RAPGEF4: variants seen among roughly 807,000 people sequenced by gnomAD.
RAPGEF4 encodes the protein RAP guanine-nucleotide-exchange factor (GEF) 4.
RAPGEF4 carries 66 observed loss-of-function variants against 147.9 expected under a neutral mutation model. That is an observed-to-expected ratio of 0.45 (90% CI 0.37 to 0.55). The LOEUF (loss-of-function observed/expected upper bound fraction) is 0.55, where lower values mean the gene tolerates loss of function less well. Ranked by LOEUF, RAPGEF4 falls within the 20% of genes least tolerant of loss-of-function variation. The pLI, the probability that RAPGEF4 is intolerant of heterozygous loss-of-function variation, is 0.00. For synonymous variants in RAPGEF4, 419 were observed against 442.7 expected, an observed-to-expected ratio of 0.95 and a Z score of 0.67; for missense variants, 1,071 against 1,257.3, an observed-to-expected ratio of 0.85 and a Z score of 2.24.
intron 17 of RAPGEF4, among the ~76,000 whole-genome samples, chr2:173,007,409 C>T (rs1340042055): frequency 6.6e-6 from 1 of 152,162 alleles, no homozygotes; most frequent in Non-Finnish European, 1.5e-5. Flanking sequence ...AACAAAGGAG[C>T]AGCCTGTGTG....
chr2:172,784,292 G>A (rs1684971496), intron 1 of RAPGEF4, among the ~76,000 whole-genome samples: 1 of 152,154 alleles, frequency 6.6e-6, no homozygotes, highest in South Asian at 2.1e-4. Context: ...GCTGAGGCAG[G>A]CGGATCATGA....
chr2:172,810,331 T>C (rs12620803), intron 3 of RAPGEF4, among the ~76,000 whole-genome samples: 28,374 of 152,200 alleles, frequency 0.19, 2,878 homozygotes, highest in East Asian at 0.21. Context: ...TCAGGCACTA[T>C]GCAAAGCAGT....
At chr2:172,928,702 G>A (rs1685622699) in intron 6 of RAPGEF4, among the ~76,000 whole-genome samples, 1 of 151,990 alleles carries the variant, frequency 6.6e-6, no homozygotes, top group African/African-American at 2.4e-5. Context: ...GATTTTCTAG[G>A]GTTGCAGCTG....
At chr2:173,025,943 C>T (rs745567995) in intron 23 of RAPGEF4, among the ~76,000 whole-genome samples, 40 of 152,312 alleles carry the variant, frequency 2.6e-4, no homozygotes, top group Middle Eastern at 3.4e-3. Flanking sequence ...AAGTAGCAGA[C>T]GTTGGCTTTC....
intron 17 of RAPGEF4, among the ~76,000 whole-genome samples, chr2:173,002,213 C>A (rs1201274864): frequency 3.3e-5 from 5 of 152,130 alleles, no homozygotes. Flanking sequence ...GGATAACTTT[C>A]TTTTCCCATT....
chr2:173,022,421 T>C (rs1415983485), intron 23 of RAPGEF4, among the ~76,000 whole-genome samples: 1 of 152,224 alleles, frequency 6.6e-6, no homozygotes. Flanking sequence ...CTGCCATTCA[T>C]TGTGCTGTGA....
chr2:172,893,475 C>T (rs936125571), intron 4 of RAPGEF4, among the ~76,000 whole-genome samples: 8 of 152,186 alleles, frequency 5.3e-5, no homozygotes, highest in Non-Finnish European at 8.8e-5. Flanking sequence ...CTTTATAAAG[C>T]GCATCGACCC....
At chr2:173,037,067 AGTGCCC>A (rs1684111290) in intron 29 of RAPGEF4, among the ~76,000 whole-genome samples, 1 of 152,238 alleles carries the variant, frequency 6.6e-6, no homozygotes, top group Admixed American at 6.5e-5. Flanking sequence ...GCCTGACTTC[AGTGCCC>A]GTAGGTAAAA....
intron 1 of RAPGEF4, among the ~76,000 whole-genome samples, chr2:172,791,904 G>A (rs1345447179): frequency 3.9e-5 from 6 of 152,188 alleles, no homozygotes; most frequent in Admixed American, 3.9e-4. Flanking sequence ...AGATGCTCTG[G>A]TGAGAATAAA....
At chr2:172,814,857 C>T (rs749949077) in intron 4 of RAPGEF4, 6 of 248,764 alleles carry the variant, frequency 2.4e-5, no homozygotes, top group Admixed American at 5.0e-5. Context: ...AAAAATGATG[C>T]GCCCTATAAT....
intron 4 of RAPGEF4, among the ~76,000 whole-genome samples, chr2:172,909,039 T>C (rs1046189832): frequency 5.3e-5 from 8 of 152,134 alleles, no homozygotes; most frequent in African/African-American, 1.9e-4. Flanking sequence ...GTCCTCCTGA[T>C]AGGGGCCTCC....
intron 13 of RAPGEF4, 119 bp from the exon 14 acceptor site, chr2:172,988,574 G>C: frequency 4.1e-6 from 5 of 1,225,668 alleles, no homozygotes; most frequent in Non-Finnish European, 5.7e-6. Context: ...CTTTGGCATC[G>C]CTAGGTACAG....
chr2:172,828,198 G>T (rs1689890008), intron 4 of RAPGEF4, among the ~76,000 whole-genome samples: 1 of 152,158 alleles, frequency 6.6e-6, no homozygotes, highest in Non-Finnish European at 1.5e-5. Context: ...GCTAGAGGTG[G>T]AAGGAATAGA....
chr2:172,882,183 G>T (rs1696706809), intron 4 of RAPGEF4, among the ~76,000 whole-genome samples: 2 of 152,302 alleles, frequency 1.3e-5, no homozygotes, highest in Middle Eastern at 3.4e-3. Context: ...GAAATGCCTT[G>T]TGATTAGTTA....
At chr2:172,965,505 C>T (rs1689733330) in intron 8 of RAPGEF4, 57 bp from the exon 9 acceptor site, 3 of 1,571,034 alleles carry the variant, frequency 1.9e-6, no homozygotes, top group Middle Eastern at 1.8e-4. Context: ...AGCCATCTCC[C>T]ATCCTCTATC....
chr2:172,984,627 G>C (rs549693593), intron 11 of RAPGEF4, among the ~76,000 whole-genome samples: 1 of 152,346 alleles, frequency 6.6e-6, no homozygotes, highest in East Asian at 1.9e-4. Context: ...ACAGGGCATA[G>C]ATGTAGTGCC....
At position 172,946,313 on chromosome 2, in the gene RAPGEF4, G is replaced by T. The variant is rs375175945; in HGVS notation, c.538-14447G>T. Among the ~76,000 whole-genome samples the T allele has an allele frequency of 9.2e-5, 14 of 152,262 alleles. 1 individual carries two copies. Among genetic ancestry groups the T allele is most frequent in the African/African-American group, 3.4e-4 (14 of 41,558 alleles). On this transcript the variant is annotated intron_variant, in intron 6 of 30. Transcript: ENST00000397081. ...ATATTAACACAATTATCTTTGACTG[G>T]TTGGTTTTGGAAGATTAAACTTTTT...
intron 4 of RAPGEF4, among the ~76,000 whole-genome samples, chr2:172,866,259 G>A (rs1210844144): frequency 2.0e-5 from 3 of 151,892 alleles, no homozygotes; most frequent in East Asian, 1.9e-4. Flanking sequence ...CTCAATCCAC[G>A]GTGATTAAAA....
intron 17 of RAPGEF4, among the ~76,000 whole-genome samples, chr2:173,005,454 C>T (rs1230099573): frequency 6.7e-6 from 1 of 150,142 alleles, no homozygotes; most frequent in East Asian, 1.9e-4. Flanking sequence ...TTTCCAACAC[C>T]AGTTCTCCAA....
Sources: gnomAD v4.1 joint callset for allele counts (sites outside exome capture counted in the v4.1 genomes callset) on GRCh38, gnomAD v4.1.1 for gene constraint, MANE v1.5 for transcripts, NCBI Gene and HGNC (gene_info 2026-07-23, HGNC 2026-07-21) for gene names.